Variants in OSGIN1 observed in about 807,000 individuals in gnomAD.
OSGIN1 encodes oxidative stress-induced growth inhibitor 1.
A neutral mutation model predicts 20.1 loss-of-function variants in OSGIN1; 19 were observed. The ratio of observed to expected loss-of-function variants is 0.95; its 90% CI spans 0.66 to 1.39. The LOEUF is 1.39. Among genes scored for constraint, OSGIN1 ranks in the 40% most tolerant of loss-of-function variants. The probability of loss-of-function intolerance (pLI) is 0.00; values close to 1 mark genes in which losing one functional copy is unlikely to be tolerated. For synonymous variants in OSGIN1, 368 were observed against 297.8 expected (o/e 1.24, Z -2.43); for missense variants, 820 against 653.0 (o/e 1.26, Z -2.79).
chr16:83,960,145 GA>G, intron 3 of OSGIN1, among the ~76,000 whole-genome samples: 1 of 152,326 alleles, frequency 6.6e-6, no homozygotes, highest in East Asian at 1.9e-4. Context: ...ATAATATAGA[GA>G]GAAAAATGTC....
At chr16:83,959,797 C>A (rs889716922) in intron 3 of OSGIN1, among the ~76,000 whole-genome samples, 1 of 151,490 alleles carries the variant, frequency 6.6e-6, no homozygotes, top group South Asian at 2.2e-4. Flanking sequence ...TGTGGTGGAG[C>A]TTCTCAACCT....
intron 5 of OSGIN1, among the ~76,000 whole-genome samples, chr16:83,962,276 T>C (rs569342199): frequency 1.3e-5 from 2 of 152,294 alleles, no homozygotes; most frequent in East Asian, 3.9e-4. Context: ...TCTCCCTCTG[T>C]CGCCCAGGCT....
At chr16:83,958,813 A>G (rs1384503010) in intron 2 of OSGIN1, among the ~76,000 whole-genome samples, 1 of 152,184 alleles carries the variant, frequency 6.6e-6, no homozygotes, top group African/African-American at 2.4e-5. Context: ...TCTGTGCTAC[A>G]TTCACTCATC....
chr16:83,957,767 G>C (rs1182342545), intron 2 of OSGIN1, 29 bp downstream of exon 2: 9 of 1,334,132 alleles, frequency 6.7e-6, no homozygotes, highest in South Asian at 1.3e-5. Flanking sequence ...CCAGGGAGGG[G>C]CTCCGCTGAG....
chr16:83,959,985 G>T (rs887390120), intron 3 of OSGIN1, among the ~76,000 whole-genome samples: 12 of 152,104 alleles, frequency 7.9e-5, no homozygotes, highest in Non-Finnish European at 1.8e-4. Flanking sequence ...GCTCCTCCAC[G>T]ACCTCCCCTT....
At chr16:83,960,539 G>A (rs747691062) in intron 3 of OSGIN1, 30 bp from the exon 4 acceptor site, 1 of 1,586,464 alleles carries the variant, frequency 6.3e-7, no homozygotes, top group East Asian at 2.2e-5. Flanking sequence ...CCCTCCTCCA[G>A]CAGCCCCTCT....
Position 83,965,513 on chromosome 16 carries a change from G to T in OSGIN1, c.940G>T (p.Ala314Ser). 1 of 1,612,166 alleles carries T rather than the reference G, an allele frequency of 6.2e-7. No homozygotes were observed. Among genetic ancestry groups the T allele is most frequent in the Non-Finnish European group, 8.5e-7 (1 of 1,180,004 alleles). Residue 314 changes from alanine (A) to serine (S), a missense_variant, in exon 6 of 6, where the codon GCC (alanine) becomes TCC (serine). Ala to Ser is a moderately conservative substitution (Grantham distance 99). Coordinates refer to ENST00000393306, the MANE Select transcript of OSGIN1 (RefSeq NM_182981.3). Reference sequence around the variant, plus strand: ...CCACTACAACATCCCGGTGATCCATGCCTTCCGCCGGGCCGTGGACGACCC... The same window carrying T: ...CCACTACAACATCCCGGTGATCCATTCCTTCCGCCGGGCCGTGGACGACCC... ...ARHYNIPVIH[A>S]FRRAVDDPGL...
intron 4 of OSGIN1, 54 bp from the exon 5 acceptor site, chr16:83,960,927 C>T (rs1034141499): frequency 2.0e-5 from 31 of 1,576,528 alleles, no homozygotes; most frequent in Non-Finnish European, 2.7e-5. Flanking sequence ...CCCTCTAGCC[C>T]CAAATGGGTT....
chr16:83,957,859 TTTTATTTATTTATTTA>T lies in OSGIN1; in HGVS notation c.67+141_67+156del, dbSNP rs113116538. The T allele has an allele frequency of 9.0e-5, 33 of 367,850 alleles. 4 individuals are homozygous for T. The South Asian group carries it at 1.5e-3, about 16-fold the overall frequency. 22.8% of individuals were successfully genotyped at this position (367,850 alleles called of 1,614,324 possible). On this transcript the variant is annotated intron_variant, in intron 2 of 5. Coordinates refer to ENST00000393306, the MANE Select transcript of OSGIN1 (RefSeq NM_182981.3). Reference sequence around the variant, plus strand: ...TCTTTTTTCGTTTTTGGGGTTTATTTTTTATTTATTTATTTATTTATTTATTTATTTATTTGAGACA... The same window carrying T: ...TCTTTTTTCGTTTTTGGGGTTTATTTTTTATTTATTTATTTATTTGAGACA...
Position 83,966,174 on chromosome 16 carries a change from C to T in OSGIN1, c.*167C>T, listed in dbSNP as rs1597186243. ...ATCCCAGGCTGCCCTGGACTTAGAC[C>T]AGTGTCTGAGGTGGTAACAGCGGCC... On this transcript the variant is annotated 3_prime_UTR_variant, in exon 6 of 6. Coordinates refer to ENST00000393306, the MANE Select transcript of OSGIN1 (RefSeq NM_182981.3). 8.1e-6 allele frequency: 5 copies of T among 620,804 alleles called. No individual in the cohort carries two copies. The highest frequency in any genetic ancestry group is 1.8e-5 in the African/African-American group (1 of 54,324). 38.5% of individuals were successfully genotyped at this position (620,804 alleles called of 1,614,324 possible).
At position 83,961,092 on chromosome 16, in the gene OSGIN1, C is replaced by A. The variant is rs1181726719; in HGVS notation, c.488+20C>A. 6.3e-7 allele frequency: 1 copy of A among 1,590,526 alleles called. No homozygotes were observed. Among genetic ancestry groups the A allele is most frequent in the Non-Finnish European group, 8.6e-7 (1 of 1,159,230 alleles). The stretch of plus-strand genomic sequence containing the variant: ...GCGAAGGTGAGGCCGCCCCGGAACG[C>A]CTTGGGGGACACGGAAGGTTGGGCC... On this transcript the variant is annotated intron_variant, in intron 5 of 5. Coordinates refer to ENST00000393306, the MANE Select transcript of OSGIN1 (RefSeq NM_182981.3).
At position 83,965,574 on chromosome 16, in the gene OSGIN1, A is replaced by G. The variant is rs2084268862; in HGVS notation, c.1001A>G (p.Tyr334Cys). 6.2e-7 allele frequency: 1 copy of G among 1,612,894 alleles called. No individual in the cohort carries two copies. Among genetic ancestry groups the G allele is most frequent in the African/African-American group, 1.3e-5 (1 of 75,030 alleles). Residue 334 changes from tyrosine to cysteine, a missense_variant, in exon 6 of 6, where the codon TAC (tyrosine) becomes TGC (cysteine). Tyr to Cys is a radical substitution (Grantham distance 194). Transcript: ENST00000393306. ...LVFNQLPKMLYPEYHKVHQMM... is the reference protein window; with the variant it reads ...LVFNQLPKMLCPEYHKVHQMM... ...TTCAACCAGCTGCCCAAGATGCTGTACCCCGAGTACCACAAGGTGCACCAG... is the reference window on the plus strand; with the variant it reads ...TTCAACCAGCTGCCCAAGATGCTGTGCCCCGAGTACCACAAGGTGCACCAG...
In OSGIN1 at chr16:83,965,578, C is replaced by G. The variant is rs535998615; in HGVS notation, c.1005C>G (p.Pro335=). The G allele has an allele frequency of 6.2e-7, 1 of 1,612,886 alleles. No homozygotes were observed. The highest frequency in any genetic ancestry group is 2.2e-5 in the East Asian group (1 of 44,892). Residue 335 remains proline, a synonymous_variant, in exon 6 of 6, where the codon CCC becomes CCG. Coordinates refer to ENST00000393306, the MANE Select transcript of OSGIN1 (RefSeq NM_182981.3). ...ACCAGCTGCCCAAGATGCTGTACCC[C>G]GAGTACCACAAGGTGCACCAGATGA... ...VFNQLPKMLY[P]EYHKVHQMMR...
chr16:83,961,652 C>T (rs1412155068), intron 5 of OSGIN1, among the ~76,000 whole-genome samples: 1 of 152,136 alleles, frequency 6.6e-6, no homozygotes, highest in Non-Finnish European at 1.5e-5. Context: ...GAAACTGAGG[C>T]TCAGATAGGG....
intron 2 of OSGIN1, among the ~76,000 whole-genome samples, chr16:83,958,507 C>A (rs916370665): frequency 1.3e-5 from 2 of 152,172 alleles, no homozygotes; most frequent in African/African-American, 2.4e-5. Flanking sequence ...GATTAAGCCA[C>A]GTGAGATGGT....
At chr16:83,960,155 T>C (rs565757980) in intron 3 of OSGIN1, among the ~76,000 whole-genome samples, 3 of 152,268 alleles carry the variant, frequency 2.0e-5, no homozygotes, top group South Asian at 4.1e-4. Context: ...GAGAAAAATG[T>C]CCCCACTCCA....
At chr16:83,960,960 A>G (rs779345101) in intron 4 of OSGIN1, 21 bp from the exon 5 acceptor site, 2 of 1,610,384 alleles carry the variant, frequency 1.2e-6, no homozygotes, top group Middle Eastern at 1.7e-4. Flanking sequence ...GGCCTGGACC[A>G]AAGGGTTCCT....
At chr16:83,953,811 C>T (rs1348458360) in intron 1 of OSGIN1, among the ~76,000 whole-genome samples, 1 of 152,190 alleles carries the variant, frequency 6.6e-6, no homozygotes, top group African/African-American at 2.4e-5. Context: ...AGCCCCCATC[C>T]CTGGAGGTCC....
At position 83,964,978 on chromosome 16, in the gene OSGIN1, C is replaced by T. The variant is rs907535323; in HGVS notation, c.489-84C>T. 6.5e-6 allele frequency: 6 copies of T among 921,690 alleles called. No homozygotes were observed. The East Asian group carries it at 1.0e-4, about 15-fold the overall frequency. 57.1% of individuals were successfully genotyped at this position (921,690 alleles called of 1,614,324 possible). ...AGCCTAGTCCAGCTCCAGGGCCTGA[C>T]ACTGCCCTGGACATCTCCCGTCCCA... On this transcript the variant is annotated intron_variant, in intron 5 of 5. Transcript: ENST00000393306.
Sources: allele counts gnomAD v4.1 joint callset (sites outside exome capture counted in the v4.1 genomes callset), GRCh38; gene constraint gnomAD v4.1.1; transcripts MANE v1.5; gene names NCBI Gene and HGNC (gene_info 2026-07-23, HGNC 2026-07-21).